SHISA9: variants seen among roughly 807,000 people sequenced by gnomAD.
SHISA9 encodes protein shisa-9.
Under a neutral mutation model 38.0 loss-of-function variants are expected in SHISA9, and 13 were observed. The ratio of observed to expected loss-of-function variants is 0.34; its 90% CI spans 0.22 to 0.54. The LOEUF is 0.54. SHISA9 is among the 20% of genes least tolerant of loss of function. The probability of loss-of-function intolerance (pLI) is 0.91; values close to 1 mark genes in which losing one functional copy is unlikely to be tolerated. For missense variants in SHISA9, 538 were observed against 575.8 expected (o/e 0.93, Z 0.67); for synonymous variants, 275 against 242.0 (o/e 1.14, Z -1.27).
At chr16:13,234,209 C>T (rs1410369603) in intron 4 of SHISA9, among the ~76,000 whole-genome samples, 1 of 152,094 alleles carries the variant, frequency 6.6e-6, no homozygotes, top group South Asian at 2.1e-4. Flanking sequence ...ACTAGGTACA[C>T]ATGAAAATCC....
At chr16:13,508,891 T>C in the SHISA9 span, among the ~76,000 whole-genome samples, 1 of 152,220 alleles carries the variant, frequency 6.6e-6, no homozygotes, top group Non-Finnish European at 1.5e-5. Flanking sequence ...AGGGGATTGA[T>C]AATTGTGGCA....
the SHISA9 span, among the ~76,000 whole-genome samples, chr16:13,514,817 C>T: frequency 1.3e-3 from 192 of 151,920 alleles, no homozygotes; most frequent in African/African-American, 4.4e-3. Context: ...TGAAGAAAAC[C>T]GCATCGATAC....
the SHISA9 span, among the ~76,000 whole-genome samples, chr16:13,448,905 A>G: frequency 6.6e-6 from 1 of 152,308 alleles, no homozygotes. Context: ...GCTGTTTGGC[A>G]ATGGGTTTCA....
chr16:12,904,079 C>G (rs893403177), intron 1 of SHISA9, among the ~76,000 whole-genome samples: 1 of 152,084 alleles, frequency 6.6e-6, no homozygotes, highest in Non-Finnish European at 1.5e-5. Flanking sequence ...CAAAGAAACC[C>G]TGACCTACTA....
chr16:12,929,467 G>C (rs909215319), intron 2 of SHISA9, among the ~76,000 whole-genome samples: 2 of 152,128 alleles, frequency 1.3e-5, no homozygotes, highest in Admixed American at 6.6e-5. Flanking sequence ...CCATAAAAAG[G>C]AACGAGATCT....
chr16:13,067,273 T>C (rs1473608304), intron 2 of SHISA9, among the ~76,000 whole-genome samples: 2 of 152,132 alleles, frequency 1.3e-5, no homozygotes, highest in East Asian at 1.9e-4. Flanking sequence ...GGCCAAGAGA[T>C]TGATGAACCT....
At chr16:13,499,100 A>G in the SHISA9 span, among the ~76,000 whole-genome samples, 1 of 152,238 alleles carries the variant, frequency 6.6e-6, no homozygotes, top group Non-Finnish European at 1.5e-5. Flanking sequence ...GTACAGTATC[A>G]GAGAACTCTG....
chr16:13,442,546 C>A, the SHISA9 span, among the ~76,000 whole-genome samples: 1 of 152,110 alleles, frequency 6.6e-6, no homozygotes, highest in East Asian at 1.9e-4. Context: ...TTCAGGTGAT[C>A]CGCCCACCTT....
intron 2 of SHISA9, among the ~76,000 whole-genome samples, chr16:13,130,784 G>A (rs1251324463): frequency 6.6e-6 from 1 of 152,152 alleles, no homozygotes. Context: ...GTGGCCACAG[G>A]CAATATGTAG....
the SHISA9 span, among the ~76,000 whole-genome samples, chr16:13,543,767 T>G: frequency 6.6e-6 from 1 of 152,150 alleles, no homozygotes; most frequent in Non-Finnish European, 1.5e-5. Flanking sequence ...CCACAGATAA[T>G]GCTCGCCTCT....
At chr16:13,136,623 C>T (rs578222090) in intron 2 of SHISA9, among the ~76,000 whole-genome samples, 171 of 152,198 alleles carry the variant, frequency 1.1e-3, no homozygotes, top group South Asian at 3.5e-3. Context: ...TGGTCTCAAA[C>T]TCCTGACCTC....
chr16:13,015,853 C>CCTTTCTTTGTTTGTTTCTTT (rs1555454797), intron 2 of SHISA9, among the ~76,000 whole-genome samples: 2 of 98,558 alleles, frequency 2.0e-5, no homozygotes, highest in Non-Finnish European at 4.2e-5. Flanking sequence ...TCTTTCTTTC[C>CCTTTCTTTGTTTGTTTCTTT]CTTTCTTTCT....
chr16:13,194,786 T>C (rs1400615112), intron 2 of SHISA9, among the ~76,000 whole-genome samples: 1 of 152,230 alleles, frequency 6.6e-6, no homozygotes, highest in African/African-American at 2.4e-5. Flanking sequence ...GTGTTCTAGT[T>C]GATAAAGTTG....
the SHISA9 span, among the ~76,000 whole-genome samples, chr16:13,302,513 C>T: frequency 6.6e-6 from 1 of 152,176 alleles, no homozygotes; most frequent in African/African-American, 2.4e-5. Flanking sequence ...CCACCTCCCT[C>T]TGCATGATAT....
At chr16:13,177,792 C>G (rs1051900664) in intron 2 of SHISA9, among the ~76,000 whole-genome samples, 1 of 152,108 alleles carries the variant, frequency 6.6e-6, no homozygotes, top group African/African-American at 2.4e-5. Context: ...GCCTCAGCCT[C>G]CCGAGTAGCT....
At chr16:13,313,797 G>C in the SHISA9 span, among the ~76,000 whole-genome samples, 1 of 152,216 alleles carries the variant, frequency 6.6e-6, no homozygotes, top group South Asian at 2.1e-4. Flanking sequence ...CAGCTCTCTG[G>C]ATGGTGGGAA....
chr16:13,285,064 C>A, the SHISA9 span, among the ~76,000 whole-genome samples: 1 of 152,056 alleles, frequency 6.6e-6, no homozygotes, highest in Non-Finnish European at 1.5e-5. Flanking sequence ...TCATGGATAG[C>A]CTTTTTTTTC....
chr16:13,196,983 C>G (rs537564718), intron 2 of SHISA9, among the ~76,000 whole-genome samples: 3 of 152,044 alleles, frequency 2.0e-5, no homozygotes, highest in Admixed American at 1.3e-4. Flanking sequence ...AATCCAGCTA[C>G]TCGGAGGCTG....
At chr16:13,021,405 G>A (rs1324609900) in intron 2 of SHISA9, among the ~76,000 whole-genome samples, 3 of 152,178 alleles carry the variant, frequency 2.0e-5, no homozygotes, top group African/African-American at 7.2e-5. Context: ...TCTCCTGAGA[G>A]TGCATTTACC....
Sources: allele counts gnomAD v4.1 joint callset (sites outside exome capture counted in the v4.1 genomes callset), GRCh38; gene constraint gnomAD v4.1.1; transcripts MANE v1.5; gene names NCBI Gene and HGNC (gene_info 2026-07-23, HGNC 2026-07-21).